RPS6: variants seen among roughly 807,000 people sequenced by gnomAD.
RPS6 encodes the protein ribosomal protein S6.
A neutral mutation model predicts 27.1 loss-of-function variants in RPS6; 1 was observed. That is an observed-to-expected ratio of 0.04 (90% CI 0.01 to 0.18). The LOEUF (loss-of-function observed/expected upper bound fraction) is 0.18. RPS6 is among the 10% of genes least tolerant of loss of function. The pLI, the probability that RPS6 is intolerant of heterozygous loss-of-function variation, is 1.00. For missense variants in RPS6, 259 were observed against 319.1 expected, an observed-to-expected ratio of 0.81 and a Z score of 1.44; for synonymous variants, 152 against 106.0, an observed-to-expected ratio of 1.43 and a Z score of -2.66.
chr9:19,378,547 A>C (rs1000379757), intron 3 of RPS6, 33 bp from the exon 4 acceptor site: 2 of 1,604,348 alleles, frequency 1.2e-6, no homozygotes, highest in African/African-American at 2.7e-5. Context: ...ATTTTAATTC[A>C]ACAACTTCCT....
intron 1 of RPS6, chr9:19,379,902 A>G: frequency 7.0e-7 from 1 of 1,425,706 alleles, no homozygotes; most frequent in Non-Finnish European, 9.1e-7. Context: ...GCCGGGGTCA[A>G]GAGCCGCACC....
chr9:19,377,563 C>T (rs1157010512), intron 4 of RPS6, among the ~76,000 whole-genome samples: 1 of 152,088 alleles, frequency 6.6e-6, no homozygotes, highest in Non-Finnish European at 1.5e-5. Context: ...AAACCAAAAT[C>T]CAGAGAAATT....
At position 19,376,282 on chromosome 9, in the gene RPS6, C is replaced by T. The variant is rs760802711; in HGVS notation, c.*11G>A. 3 of 1,600,400 alleles carry T rather than the reference C, an allele frequency of 1.9e-6. No individual in the cohort carries two copies. The highest frequency in any genetic ancestry group is 2.2e-5 in the South Asian group (2 of 89,848). On this transcript the variant is annotated 3_prime_UTR_variant, in exon 6 of 6. Coordinates refer to ENST00000380394, the MANE Select transcript of RPS6 (RefSeq NM_001010.3). The stretch of plus-strand genomic sequence containing the variant: ...AGAGTCTGATCTTATTTATTTGTTA[C>T]TCAAAAAATCTTATTTCTGACTGGA...
chr9:19,379,459 A>G, intron 2 of RPS6, 28 bp downstream of exon 2: 1 of 1,613,802 alleles, frequency 6.2e-7, no homozygotes, highest in Non-Finnish European at 8.5e-7. Flanking sequence ...TCTGACTTAA[A>G]TACCTGCAAC....
intron 2 of RPS6, chr9:19,379,278 T>C (rs1022952241): frequency 6.2e-6 from 9 of 1,460,358 alleles, no homozygotes; most frequent in Middle Eastern, 1.8e-4. Flanking sequence ...GCAAGAATTA[T>C]GTTGATGTAA....
rs747588676 is a variant in RPS6 at position 19,378,709 on chromosome 9, T to G, written c.348A>C (p.Lys116Asn). The change falls in exon 3 of 6, where the codon AAA (lysine) becomes AAC (asparagine). Residue 116 changes from lysine to asparagine, a missense_variant and splice_region_variant. By Grantham distance (94) the Lys-to-Asn change is moderately conservative (BLOSUM62 0). This residue lies in a region of RPS6 where 191 missense variants were observed against 231.6 expected (regional missense o/e 0.82). Transcript: ENST00000380394. ...AAATTGAACACAAGTAACCCTCACC[T>G]TTTTTTACAATAACCAAGTTGAGAA... The part of the protein sequence containing the change: ...LSVLNLVIVK[K>N]GEKDIPGLTD... 3.7e-6 allele frequency: 6 copies of G among 1,612,620 alleles called. No individual in the cohort carries two copies. Among genetic ancestry groups the G allele is most frequent in the Non-Finnish European group, 5.1e-6 (6 of 1,178,702 alleles).
At position 19,376,702 on chromosome 9, in the gene RPS6, A is replaced by C. The variant is rs748314692; in HGVS notation, c.497-51T>G. The C allele has an allele frequency of 4.5e-6, 7 of 1,546,914 alleles. No homozygotes were observed. In the South Asian group the frequency reaches 8.3e-5, roughly 18 times the overall value. ...TTCAATATTTGTTTTGTTAGAATCC[A>C]CATCTACTTTAAAAACATCAGAAAT... On this transcript the variant is annotated intron_variant, in intron 4 of 5. Coordinates refer to ENST00000380394, the MANE Select transcript of RPS6 (RefSeq NM_001010.3).
chr9:19,376,946 G>C (rs1399103125), intron 4 of RPS6: 2 of 230,262 alleles, frequency 8.7e-6, no homozygotes, highest in East Asian at 9.7e-5. Flanking sequence ...ATATATAACT[G>C]TGCATAGTTA....
chr9:19,379,273 A>G lies in RPS6; in HGVS notation c.138+214T>C, dbSNP rs143006318. On this transcript the variant is annotated intron_variant, in intron 2 of 5. Coordinates refer to ENST00000380394, the MANE Select transcript of RPS6 (RefSeq NM_001010.3). Reference sequence around the variant, plus strand: ...TGCCAAATGCATGATGCAGGGCAAGAATTATGTTGATGTAAACTTTACGTA... The same window carrying G: ...TGCCAAATGCATGATGCAGGGCAAGGATTATGTTGATGTAAACTTTACGTA... 8.9e-6 allele frequency: 13 copies of G among 1,456,480 alleles called. No homozygotes were observed. The Admixed American group carries it at 1.1e-4, about 12-fold the overall frequency. 90.2% of individuals were successfully genotyped at this position (1,456,480 alleles called of 1,614,324 possible). A position where few individuals can be genotyped will look rare whatever the true frequency, so the allele number is the denominator to read the frequency against.
At position 19,376,241 on chromosome 9, in the gene RPS6, A is replaced by AAAGTCAACAGAGATC; in HGVS notation, c.*37_*51dup. On this transcript the variant is annotated 3_prime_UTR_variant, in exon 6 of 6. Coordinates refer to ENST00000380394, the MANE Select transcript of RPS6 (RefSeq NM_001010.3). Reference sequence around the variant, plus strand: ...TTATGTAGTTTTCTATCAGCAATGAAAAGTCAACAGAGATCAGAGTCTGAT... The same window carrying AAAGTCAACAGAGATC: ...TTATGTAGTTTTCTATCAGCAATGAAAAGTCAACAGAGATCAAGTCAACAGAGATCAGAGTCTGAT... 1 of 1,457,830 alleles carries AAAGTCAACAGAGATC rather than the reference A, an allele frequency of 6.9e-7. No individual in the cohort carries two copies. Among genetic ancestry groups the AAAGTCAACAGAGATC allele is most frequent in the South Asian group, 1.2e-5 (1 of 82,700 alleles). The allele number at this position is 1,457,830 out of a possible 1,614,324, so 90.3% of individuals were successfully genotyped here. A position where few individuals can be genotyped will look rare whatever the true frequency, so the allele number is the denominator to read the frequency against.
chr9:19,378,611 C>G, intron 3 of RPS6, 97 bp from the exon 4 acceptor site: 1 of 1,572,720 alleles, frequency 6.4e-7, no homozygotes, highest in Non-Finnish European at 8.7e-7. Flanking sequence ...AGAAACAAAT[C>G]CATTGGTCTG....
At position 19,376,054 on chromosome 9, in the gene RPS6, T is replaced by C. The variant is rs1171966994; in HGVS notation, c.*239A>G. The stretch of plus-strand genomic sequence containing the variant: ...TGCCATTCTGAAGAGGCAGGTGTCT[T>C]ATGCTCAGAATCCCTTCCTGTGCCA... On this transcript the variant is annotated 3_prime_UTR_variant, in exon 6 of 6. Coordinates refer to ENST00000380394, the MANE Select transcript of RPS6 (RefSeq NM_001010.3). The C allele has an allele frequency of 2.4e-6, 1 of 412,122 alleles. No homozygotes were observed. Among genetic ancestry groups the C allele is most frequent in the African/African-American group, 2.0e-5 (1 of 50,082 alleles). 25.5% of individuals were successfully genotyped at this position (412,122 alleles called of 1,614,324 possible).
intron 2 of RPS6, chr9:19,379,154 G>C (rs191722857): frequency 2.2e-4 from 171 of 791,280 alleles, no homozygotes; most frequent in Non-Finnish European, 3.0e-4. Flanking sequence ...AGAGATAACA[G>C]CACTAAGAAG....
intron 1 of RPS6, chr9:19,379,877 T>C: frequency 7.0e-7 from 1 of 1,422,378 alleles, no homozygotes; most frequent in South Asian, 1.6e-5. Context: ...CCGTTCACCC[T>C]CCCGAAGCAA....
Position 19,378,529 on chromosome 9 carries a change from T to G in RPS6, c.350-15A>C, listed in dbSNP as rs1589013399. The G allele has an allele frequency of 6.2e-7, 1 of 1,606,906 alleles. No homozygotes were observed. Among genetic ancestry groups the G allele is most frequent in the Non-Finnish European group, 8.5e-7 (1 of 1,177,858 alleles). ...ATCCTTCTCTCCTTAGAAGAAACAG[T>G]TGAAGAGATTTTAATTCAACAACTT... On this transcript the variant is annotated splice_polypyrimidine_tract_variant and intron_variant, in intron 3 of 5. Transcript: ENST00000380394.
chr9:19,379,141 A>C lies in RPS6; in HGVS notation c.139-223T>G. ...AAGTCGCATTTCTAACCGATGTTTT[A>C]TTAGAGATAACAGCACTAAGAAGAT... On this transcript the variant is annotated intron_variant, in intron 2 of 5. Coordinates refer to ENST00000380394, the MANE Select transcript of RPS6 (RefSeq NM_001010.3). 7.7e-6 allele frequency: 6 copies of C among 782,180 alleles called. No individual in the cohort carries two copies. In the South Asian group the frequency reaches 1.2e-4, roughly 15 times the overall value. The allele number at this position is 782,180 out of a possible 1,614,324, so 48.5% of individuals were successfully genotyped here. A position where few individuals can be genotyped will look rare whatever the true frequency, so the allele number is the denominator to read the frequency against.
rs923368321 is a variant in RPS6 at position 19,375,751 on chromosome 9, T to C, written c.*542A>G. Reference sequence around the variant, plus strand: ...TCCAAGAATGTTTTTAGTCATTTCCTTTTCAGTGTGTGAACAGCCTAACAA... The same window carrying C: ...TCCAAGAATGTTTTTAGTCATTTCCCTTTCAGTGTGTGAACAGCCTAACAA... On this transcript the variant is annotated 3_prime_UTR_variant, in exon 6 of 6. Transcript: ENST00000380394. 1 of 152,298 alleles carries C rather than the reference T, an allele frequency of 6.6e-6. No individual in the cohort carries two copies. The highest frequency in any genetic ancestry group is 6.5e-5 in the Admixed American group (1 of 15,296). 9.4% of individuals were successfully genotyped at this position (152,298 alleles called of 1,614,324 possible). A position where few individuals can be genotyped will look rare whatever the true frequency, so the allele number is the denominator to read the frequency against.
intron 4 of RPS6, 97 bp downstream of exon 4, chr9:19,378,271 G>C: frequency 8.2e-7 from 1 of 1,219,788 alleles, no homozygotes; most frequent in South Asian, 1.4e-5. Context: ...ATAGTGCTAA[G>C]GCCTTCCAAA....
intron 1 of RPS6, chr9:19,379,904 AGCCGCACCACAGGCCT>A (rs1305778764): frequency 7.0e-7 from 1 of 1,426,342 alleles, no homozygotes; most frequent in Non-Finnish European, 9.1e-7. Flanking sequence ...CGGGGTCAAG[AGCCGCACCACAGGCCT>A]GCCGCAAACT....
Sources: gnomAD v4.1 joint callset for allele counts (sites outside exome capture counted in the v4.1 genomes callset) on GRCh38, gnomAD v4.1.1 for gene constraint, gnomAD v4.1.1 regional missense constraint, MANE v1.5 for transcripts, NCBI Gene and HGNC (gene_info 2026-07-23, HGNC 2026-07-21) for gene names.